Variants in CAST observed in about 807,000 individuals in gnomAD.
The protein encoded by CAST is calpastatin, also known as MIR583 host.
Under a neutral mutation model 119.6 loss-of-function variants are expected in CAST, and 76 were observed. That is an observed-to-expected ratio of 0.64 (90% CI 0.53 to 0.77). The LOEUF (loss-of-function observed/expected upper bound fraction) is 0.77. Ranked by LOEUF, CAST falls within the 30% of genes least tolerant of loss-of-function variation. The pLI is 0.00. For missense variants in CAST, 953 were observed against 946.5 expected (o/e 1.01, Z -0.09); for synonymous variants, 319 against 331.6 (o/e 0.96, Z 0.41).
At chr5:96,409,775 G>A in the CAST span, among the ~76,000 whole-genome samples, 1 of 152,170 alleles carries the variant, frequency 6.6e-6, no homozygotes, top group Non-Finnish European at 1.5e-5. Flanking sequence ...TCGGTAGAAT[G>A]CCACTGTCTA....
chr5:96,497,869 G>T, the CAST span, among the ~76,000 whole-genome samples: 2 of 152,138 alleles, frequency 1.3e-5, no homozygotes, highest in African/African-American at 2.4e-5. Context: ...AGTTTAATTA[G>T]ATCCCATTTG....
At chr5:96,617,724 G>A (rs1488753125) in intron 1 of CAST, among the ~76,000 whole-genome samples, 9 of 145,308 alleles carry the variant, frequency 6.2e-5, no homozygotes, top group East Asian at 4.0e-4. Flanking sequence ...CCCGGGAGGC[G>A]GAGCTTGCAT....
chr5:96,612,642 C>T (rs17086371), intron 1 of CAST, among the ~76,000 whole-genome samples: 13,187 of 152,106 alleles, frequency 0.087, 922 homozygotes, highest in East Asian at 0.3. Flanking sequence ...GAAATAAATA[C>T]GTTTTAATCT....
chr5:96,085,159 C>A, the CAST span, among the ~76,000 whole-genome samples: 1 of 152,040 alleles, frequency 6.6e-6, no homozygotes, highest in Non-Finnish European at 1.5e-5. Flanking sequence ...ACTTAAAACA[C>A]CATAGATTTT....
chr5:96,280,686 A>G, the CAST span, among the ~76,000 whole-genome samples: 1 of 152,244 alleles, frequency 6.6e-6, no homozygotes, highest in Non-Finnish European at 1.5e-5. Context: ...ATGTGAAAAT[A>G]CTTCATGAAC....
chr5:96,051,649 C>T, the CAST span, among the ~76,000 whole-genome samples: 10 of 151,954 alleles, frequency 6.6e-5, no homozygotes, highest in African/African-American at 2.2e-4. Context: ...TAGGGGAGAC[C>T]GTCAATGACT....
chr5:96,241,475 T>C, the CAST span, among the ~76,000 whole-genome samples: 1 of 151,154 alleles, frequency 6.6e-6, no homozygotes, highest in Admixed American at 6.6e-5. Flanking sequence ...GTTGGACATT[T>C]GGGTTGGTTC....
chr5:96,423,226 G>T, the CAST span: 2 of 1,294,618 alleles, frequency 1.5e-6, no homozygotes, highest in Non-Finnish European at 2.2e-6. Flanking sequence ...CACCAGAGCA[G>T]CATCCCCTTG....
chr5:96,763,193 T>C (rs371350925), intron 25 of CAST: 1 of 780,758 alleles, frequency 1.3e-6, no homozygotes, highest in Non-Finnish European at 2.4e-6. Flanking sequence ...GAGATTCTGA[T>C]GGATTTTCAT....
At chr5:96,395,196 G>A in the CAST span, among the ~76,000 whole-genome samples, 1 of 152,124 alleles carries the variant, frequency 6.6e-6, no homozygotes, top group Non-Finnish European at 1.5e-5. Flanking sequence ...ACAATTTGTA[G>A]GTTCAACAGT....
At chr5:96,702,915 A>C in intron 3 of CAST, 1 of 985,574 alleles carries the variant, frequency 1.0e-6, no homozygotes, top group Non-Finnish European at 1.2e-6. Flanking sequence ...GTCCACGCAG[A>C]GTGAGTACTG....
chr5:96,484,570 C>A, the CAST span, among the ~76,000 whole-genome samples: 2 of 152,112 alleles, frequency 1.3e-5, no homozygotes, highest in Non-Finnish European at 2.9e-5. Flanking sequence ...ATTCATGATT[C>A]TCAGTTTCTA....
the CAST span, among the ~76,000 whole-genome samples, chr5:96,417,381 T>C: frequency 2.0e-5 from 3 of 152,166 alleles, no homozygotes; most frequent in Non-Finnish European, 4.4e-5. Context: ...CTTTTATGTA[T>C]GCTAGCATTT....
the CAST span, among the ~76,000 whole-genome samples, chr5:96,437,156 G>C: frequency 1.3e-5 from 2 of 152,070 alleles, no homozygotes; most frequent in African/African-American, 2.4e-5. Context: ...AAGTAAAAGA[G>C]TAAAAAAGCA....
chr5:96,378,313 G>A, the CAST span, among the ~76,000 whole-genome samples: 1 of 152,144 alleles, frequency 6.6e-6, no homozygotes, highest in East Asian at 1.9e-4. Context: ...TAAGCAGATA[G>A]GTCTTAAATG....
the CAST span, among the ~76,000 whole-genome samples, chr5:96,416,769 G>A: frequency 4.9e-4 from 75 of 152,320 alleles, 1 homozygote; most frequent in Middle Eastern, 0.01. Context: ...CCCAACTGGG[G>A]CCAGAAGCCT....
the CAST span, among the ~76,000 whole-genome samples, chr5:96,167,348 G>A: frequency 3.3e-5 from 5 of 152,308 alleles, no homozygotes; most frequent in South Asian, 1.0e-3. Flanking sequence ...GTGAATAGGT[G>A]TATGACTAGA....
chr5:96,646,945 A>G (rs531841636), intron 1 of CAST, among the ~76,000 whole-genome samples: 57 of 152,286 alleles, frequency 3.7e-4, no homozygotes, highest in African/African-American at 1.3e-3. Flanking sequence ...CTGATGCCCA[A>G]CCTCTCTGTT....
At chr5:96,637,366 C>A (rs974895063) in intron 1 of CAST, among the ~76,000 whole-genome samples, 1 of 152,284 alleles carries the variant, frequency 6.6e-6, no homozygotes, top group East Asian at 1.9e-4. Flanking sequence ...CCCAGAGCAC[C>A]ATATGTAACC....
Sources: gnomAD v4.1 joint callset for allele counts (sites outside exome capture counted in the v4.1 genomes callset) on GRCh38, gnomAD v4.1.1 for gene constraint, MANE v1.5 for transcripts, NCBI Gene and HGNC (gene_info 2026-07-23, HGNC 2026-07-21) for gene names.